Variants in GRIK1 observed in about 807,000 individuals in gnomAD.
GRIK1 encodes glutamate receptor ionotropic, kainate 1.
GRIK1 carries 69 observed loss-of-function variants against 105.7 expected under a neutral mutation model. The ratio of observed to expected loss-of-function variants is 0.65; its 90% CI spans 0.54 to 0.80. GRIK1 has a LOEUF of 0.80. Among genes scored for constraint, GRIK1 ranks in the 30% least tolerant of loss-of-function variants. GRIK1 has a pLI of 0.00. For synonymous variants in GRIK1, 438 were observed against 431.3 expected (o/e 1.02, Z -0.19); for missense variants, 1,109 against 1,167.3 (o/e 0.95, Z 0.73).
intron 1 of GRIK1, among the ~76,000 whole-genome samples, chr21:29,800,503 T>A (rs1165358801): frequency 1.3e-5 from 2 of 152,330 alleles, no homozygotes; most frequent in Non-Finnish European, 2.9e-5. Context: ...TGTACCCAGG[T>A]CTTGCAACTT....
At chr21:29,806,300 A>G (rs1329391075) in intron 1 of GRIK1, among the ~76,000 whole-genome samples, 1 of 152,108 alleles carries the variant, frequency 6.6e-6, no homozygotes, top group East Asian at 1.9e-4. Context: ...AGGTCATTCA[A>G]AAACCAGCGA....
At chr21:29,703,143 T>A (rs1469973519) in intron 1 of GRIK1, among the ~76,000 whole-genome samples, 2 of 152,260 alleles carry the variant, frequency 1.3e-5, no homozygotes, top group African/African-American at 2.4e-5. Flanking sequence ...AGTTTTTATG[T>A]TTATGATATT....
intron 14 of GRIK1, among the ~76,000 whole-genome samples, chr21:29,567,525 A>G (rs1210194527): frequency 6.6e-6 from 1 of 152,178 alleles, no homozygotes; most frequent in Admixed American, 6.5e-5. Context: ...TACATTAGAA[A>G]TAAGTTATTG....
chr21:29,892,405 G>A (rs575711176), intron 1 of GRIK1, among the ~76,000 whole-genome samples: 150 of 152,334 alleles, frequency 9.8e-4, no homozygotes, highest in African/African-American at 2.7e-3. Flanking sequence ...CTATTTACGC[G>A]GAGGGAAGAA....
intron 1 of GRIK1, among the ~76,000 whole-genome samples, chr21:29,751,331 G>A (rs1426838459): frequency 6.6e-6 from 1 of 152,154 alleles, no homozygotes; most frequent in Non-Finnish European, 1.5e-5. Flanking sequence ...TGGCAAGAAA[G>A]CTGCCTCACA....
rs363460 is a variant in GRIK1, at chr21:29,598,422, T to C, written c.1206+408A>G. Among the ~76,000 whole-genome samples, 484 of 152,342 alleles carry C rather than the reference T, an allele frequency of 3.2e-3. 2 individuals carry two copies. Among genetic ancestry groups the C allele is most frequent in the African/African-American group, 0.011 (463 of 41,584 alleles). ...TCACCAATCTCAAAATGGAATAAAA[T>C]GTGCAATTAAAATTAATTTCTGGGT... On this transcript the variant is annotated intron_variant, in intron 8 of 17. Coordinates refer to ENST00000327783, the MANE Select transcript of GRIK1 (RefSeq NM_001330994.2).
intron 1 of GRIK1, among the ~76,000 whole-genome samples, chr21:29,741,388 C>T (rs1450682638): frequency 6.6e-6 from 1 of 152,024 alleles, no homozygotes; most frequent in Non-Finnish European, 1.5e-5. Flanking sequence ...CAGCAATCGT[C>T]ACATTTTAAA....
chr21:29,937,298 T>A lies in GRIK1; in HGVS notation c.118+2085A>T, dbSNP rs539198759. ...GGTGCATACGGGGCAACAGTGCTCA[T>A]GTCAGCCACAGGACACTCCAGGCCA... is the stretch of plus-strand genomic sequence containing the variant. On this transcript the variant is annotated intron_variant, in intron 1 of 17. Transcript: ENST00000327783. Among the ~76,000 whole-genome samples, 6 of 152,342 alleles carry A rather than the reference T, an allele frequency of 3.9e-5. No homozygotes were observed. In the South Asian group the frequency reaches 1.2e-3, roughly 32 times the overall value.
At chr21:29,837,516 T>C (rs190000125) in intron 1 of GRIK1, among the ~76,000 whole-genome samples, 325 of 152,142 alleles carry the variant, frequency 2.1e-3, no homozygotes, top group Admixed American at 5.0e-3. Flanking sequence ...AACTGAAGAA[T>C]AGGAGGACTA....
At chr21:29,690,302 C>G (rs1362298884) in intron 2 of GRIK1, among the ~76,000 whole-genome samples, 1 of 152,156 alleles carries the variant, frequency 6.6e-6, no homozygotes. Context: ...TATGGTGTTA[C>G]CTGAAAGCAC....
At chr21:29,809,212 T>C (rs2066943250) in intron 1 of GRIK1, among the ~76,000 whole-genome samples, 1 of 152,170 alleles carries the variant, frequency 6.6e-6, no homozygotes, top group South Asian at 2.1e-4. Context: ...ACATAATTAC[T>C]TAAGACATGT....
intron 7 of GRIK1, among the ~76,000 whole-genome samples, chr21:29,616,613 G>A (rs985168461): frequency 1.2e-4 from 19 of 152,216 alleles, no homozygotes; most frequent in Middle Eastern, 3.4e-3. Flanking sequence ...AGGATTCTGG[G>A]GCTTCAATTC....
chr21:29,833,523 G>A (rs1343275542), intron 1 of GRIK1, among the ~76,000 whole-genome samples: 2 of 152,160 alleles, frequency 1.3e-5, no homozygotes, highest in Non-Finnish European at 2.9e-5. Context: ...CCATACAATT[G>A]TGGTAGAAGG....
At chr21:29,606,148 C>T (rs2061611020) in intron 7 of GRIK1, among the ~76,000 whole-genome samples, 1 of 151,928 alleles carries the variant, frequency 6.6e-6, no homozygotes, top group Admixed American at 6.6e-5. Context: ...GTTTAAGATG[C>T]AGATTCTGTG....
At chr21:29,748,379 T>G (rs1204158186) in intron 1 of GRIK1, 4 of 152,228 alleles carry the variant, frequency 2.6e-5, no homozygotes. Context: ...CTGGACCACC[T>G]TTGTCTGTCT....
At position 29,682,666 on chromosome 21, in the gene GRIK1, A is replaced by C. The variant is rs117662318; in HGVS notation, c.544+7062T>G. On this transcript the variant is annotated intron_variant, in intron 3 of 17. Coordinates refer to ENST00000327783, the MANE Select transcript of GRIK1 (RefSeq NM_001330994.2). ...TTAAAGATTTAAGTGTAAGACCTCA[A>C]ACTACAAAAATTTTGGAAGAAAACC... Among the ~76,000 whole-genome samples, 149 of 152,336 alleles carry C rather than the reference A, an allele frequency of 9.8e-4. 6 individuals carry two copies. The East Asian group carries it at 0.024, about 24-fold the overall frequency.
rs781066720 is a variant in GRIK1 at position 29,619,112 on chromosome 21, C to T, written c.1099-20175G>A. 1.8e-3 allele frequency among the ~76,000 whole-genome samples: 151 copies of T among 85,978 alleles called. 1 individual carries two copies. Among genetic ancestry groups the T allele is most frequent in the Non-Finnish European group, 2.5e-3 (112 of 45,448 alleles). The allele number at this position is 85,978 out of a possible 152,430, so 56.4% of individuals were successfully genotyped here. ...CTGCACTCCAGCCTGGGCAACAGAG[C>T]GAGACTCCGTCAAAAAAAAAAAAAA... On this transcript the variant is annotated intron_variant, in intron 7 of 17. Coordinates refer to ENST00000327783, the MANE Select transcript of GRIK1 (RefSeq NM_001330994.2).
rs201124009 is a variant in GRIK1 at position 29,670,532 on chromosome 21, G to A, written c.726+2451C>T. On this transcript the variant is annotated intron_variant, in intron 4 of 17. Transcript: ENST00000327783. ...GAAAATCTAGCAGCCCTTCCCTGCC[G>A]CCACCATACACTGTTCTTGCCTATT... Among the ~76,000 whole-genome samples, 7 of 152,288 alleles carry A rather than the reference G, an allele frequency of 4.6e-5. No homozygotes were observed. In the East Asian group the frequency reaches 5.8e-4, roughly 13 times the overall value.
intron 15 of GRIK1, among the ~76,000 whole-genome samples, chr21:29,559,726 G>A (rs2146148765): frequency 1.3e-5 from 2 of 152,320 alleles, no homozygotes; most frequent in South Asian, 4.1e-4. Context: ...TTAATTAAAA[G>A]TTGAATATAT....
Sources: gnomAD v4.1 joint callset for allele counts (sites outside exome capture counted in the v4.1 genomes callset) on GRCh38, gnomAD v4.1.1 for gene constraint, MANE v1.5 for transcripts, NCBI Gene and HGNC (gene_info 2026-07-23, HGNC 2026-07-21) for gene names.